The following SEMA5A variants were observed in gnomAD, a reference collection of about 807,000 sequenced individuals.
The protein encoded by SEMA5A is semaphorin 5A.
A neutral mutation model predicts 135.5 loss-of-function variants in SEMA5A; 55 were observed. The ratio of observed to expected loss-of-function variants is 0.41; its 90% CI spans 0.33 to 0.51. The LOEUF (loss-of-function observed/expected upper bound fraction) is 0.51, where lower values mean the gene tolerates loss of function less well. Ranked by LOEUF, SEMA5A falls within the 20% of genes least tolerant of loss-of-function variation. SEMA5A has a pLI of 0.37. For synonymous variants in SEMA5A, 580 were observed against 546.5 expected (o/e 1.06, Z -0.85); for missense variants, 1,290 against 1,419.9 (o/e 0.91, Z 1.47).
chr5:9,255,817 C>T (rs1749039102), intron 5 of SEMA5A, among the ~76,000 whole-genome samples: 1 of 152,190 alleles, frequency 6.6e-6, no homozygotes, highest in Non-Finnish European at 1.5e-5. Flanking sequence ...CCACCTCTCT[C>T]CTGGGTATAT....
intron 1 of SEMA5A, among the ~76,000 whole-genome samples, chr5:9,503,521 T>C (rs561811114): frequency 6.6e-6 from 1 of 152,354 alleles, no homozygotes; most frequent in Non-Finnish European, 1.5e-5. Context: ...CATGTGCTAC[T>C]GAGCAGATTC....
At chr5:9,415,604 C>T (rs934682155) in intron 2 of SEMA5A, among the ~76,000 whole-genome samples, 37 of 151,746 alleles carry the variant, frequency 2.4e-4, no homozygotes, top group African/African-American at 8.5e-4. Flanking sequence ...TTTCAACTGG[C>T]GAAGTATCAA....
intron 1 of SEMA5A, among the ~76,000 whole-genome samples, chr5:9,522,482 C>A (rs1024162452): frequency 1.3e-5 from 2 of 152,138 alleles, no homozygotes; most frequent in Non-Finnish European, 2.9e-5. Flanking sequence ...ACTCAGGAGG[C>A]TGAGGCAGGA....
At chr5:9,106,148 A>G (rs2150151275) in intron 16 of SEMA5A, among the ~76,000 whole-genome samples, 1 of 152,300 alleles carries the variant, frequency 6.6e-6, no homozygotes, top group African/African-American at 2.4e-5. Flanking sequence ...GACTACCAAA[A>G]GGCTAAGTTT....
intron 16 of SEMA5A, 139 bp from the exon 17 acceptor site, chr5:9,066,785 A>G: frequency 1.5e-6 from 1 of 668,266 alleles, no homozygotes; most frequent in South Asian, 1.9e-5. Context: ...ACCAAACTAA[A>G]AACACATTTA....
intron 2 of SEMA5A, among the ~76,000 whole-genome samples, chr5:9,406,532 T>C (rs1756894431): frequency 6.6e-6 from 1 of 152,240 alleles, no homozygotes; most frequent in South Asian, 2.1e-4. Context: ...AGAAAATATT[T>C]TGATTTGTAT....
intron 1 of SEMA5A, among the ~76,000 whole-genome samples, chr5:9,485,372 C>T (rs1455979135): frequency 1.3e-5 from 2 of 152,080 alleles, no homozygotes; most frequent in African/African-American, 2.4e-5. Context: ...CAGAAAGAAA[C>T]CTGGCTCATC....
At chr5:9,210,090 A>C (rs1228647552) in intron 8 of SEMA5A, among the ~76,000 whole-genome samples, 1 of 152,180 alleles carries the variant, frequency 6.6e-6, no homozygotes, top group Non-Finnish European at 1.5e-5. Context: ...ATTCTTTATG[A>C]GGTTTCCTTG....
intron 12 of SEMA5A, among the ~76,000 whole-genome samples, chr5:9,149,093 G>T (rs373372972): frequency 6.6e-6 from 1 of 152,018 alleles, no homozygotes; most frequent in Non-Finnish European, 1.5e-5. Flanking sequence ...TCTTTTTTTG[G>T]CTAAGTAATA....
chr5:9,059,075 T>C (rs1214870544), intron 18 of SEMA5A, among the ~76,000 whole-genome samples: 2 of 152,202 alleles, frequency 1.3e-5, no homozygotes, highest in Non-Finnish European at 2.9e-5. Context: ...CCCCATAGAA[T>C]TATTGTTTGC....
intron 11 of SEMA5A, among the ~76,000 whole-genome samples, chr5:9,155,172 C>T (rs944490056): frequency 1.3e-5 from 2 of 152,144 alleles, no homozygotes; most frequent in African/African-American, 4.8e-5. Context: ...CTTCCTGCCA[C>T]GAGAAGTACA....
At chr5:9,081,383 A>T (rs1738375699) in intron 16 of SEMA5A, among the ~76,000 whole-genome samples, 1 of 152,198 alleles carries the variant, frequency 6.6e-6, no homozygotes, top group Non-Finnish European at 1.5e-5. Context: ...TTTATTACCT[A>T]GCAATAAAAC....
At chr5:9,250,940 A>G (rs1351000616) in intron 5 of SEMA5A, among the ~76,000 whole-genome samples, 2 of 152,170 alleles carry the variant, frequency 1.3e-5, no homozygotes, top group Non-Finnish European at 2.9e-5. Context: ...TTCACATGCT[A>G]TGGTTTTAAT....
chr5:9,210,005 A>G (rs1746255983), intron 8 of SEMA5A, among the ~76,000 whole-genome samples: 2 of 152,126 alleles, frequency 1.3e-5, no homozygotes, highest in African/African-American at 4.8e-5. Context: ...CCATTTCCCA[A>G]TTGTTTTAGC....
chr5:9,184,503 G>A (rs778376352), intron 11 of SEMA5A, among the ~76,000 whole-genome samples: 5 of 152,122 alleles, frequency 3.3e-5, no homozygotes, highest in East Asian at 1.9e-4. Flanking sequence ...GTGGTCCATT[G>A]TCTTTGTGGG....
At chr5:9,236,197 G>C (rs1342856471) in intron 6 of SEMA5A, among the ~76,000 whole-genome samples, 2 of 152,106 alleles carry the variant, frequency 1.3e-5, no homozygotes, top group African/African-American at 4.8e-5. Context: ...AACCATATCA[G>C]GCATCACACA....
intron 20 of SEMA5A, among the ~76,000 whole-genome samples, chr5:9,051,257 A>G (rs1736560114): frequency 6.6e-6 from 1 of 152,226 alleles, no homozygotes; most frequent in East Asian, 1.9e-4. Context: ...TATTTGTAAG[A>G]GGCTGGTCCA....
At chr5:9,523,067 A>AT (rs1475649625) in intron 1 of SEMA5A, 1 of 152,238 alleles carries the variant, frequency 6.6e-6, no homozygotes, top group Non-Finnish European at 1.5e-5. Context: ...TTAAAACCTA[A>AT]TATCAGCTGA....
chr5:9,054,933 G>A (rs1736806703), intron 18 of SEMA5A, among the ~76,000 whole-genome samples: 1 of 152,110 alleles, frequency 6.6e-6, no homozygotes, highest in Non-Finnish European at 1.5e-5. Context: ...AGATATTAAG[G>A]GTGCAGTTTT....
Sources: gnomAD v4.1 joint callset for allele counts (sites outside exome capture counted in the v4.1 genomes callset) on GRCh38, gnomAD v4.1.1 for gene constraint, MANE v1.5 for transcripts, NCBI Gene and HGNC (gene_info 2026-07-23, HGNC 2026-07-21) for gene names.